ARL6IP6: variants seen among roughly 807,000 people sequenced by gnomAD.
The protein encoded by ARL6IP6 is ADP-ribosylation factor-like protein 6-interacting protein 6.
A neutral mutation model predicts 21.5 loss-of-function variants in ARL6IP6; 22 were observed. The observed-to-expected ratio is 1.02, with a 90% CI of 0.73 to 1.46. ARL6IP6 has a LOEUF of 1.46. Ranked by LOEUF, ARL6IP6 falls within the 40% of genes most tolerant of loss-of-function variation. The pLI is 0.00. For missense variants in ARL6IP6, 388 were observed against 299.8 expected, an observed-to-expected ratio of 1.29 and a Z score of -2.17; for synonymous variants, 164 against 125.3, an observed-to-expected ratio of 1.31 and a Z score of -2.06.
chr2:152,722,398 A>T (rs956438164), intron 2 of ARL6IP6, among the ~76,000 whole-genome samples: 1 of 152,248 alleles, frequency 6.6e-6, no homozygotes, highest in Non-Finnish European at 1.5e-5. Context: ...CAATGGTCAG[A>T]TGAGCTCCAG....
At chr2:152,730,063 C>T (rs959842572) in intron 2 of ARL6IP6, among the ~76,000 whole-genome samples, 1 of 152,140 alleles carries the variant, frequency 6.6e-6, no homozygotes, top group African/African-American at 2.4e-5. Flanking sequence ...CACAATATTG[C>T]AATGTACTTT....
chr2:152,740,324 C>T (rs977894715), intron 3 of ARL6IP6, among the ~76,000 whole-genome samples: 2 of 152,130 alleles, frequency 1.3e-5, no homozygotes, highest in South Asian at 2.1e-4. Context: ...GTCCCAAAAC[C>T]CTGAGTTCAA....
At chr2:152,728,522 A>G (rs371454562) in intron 2 of ARL6IP6, among the ~76,000 whole-genome samples, 16 of 152,316 alleles carry the variant, frequency 1.1e-4, no homozygotes, top group African/African-American at 2.4e-4. Context: ...TTTAGAGCAT[A>G]TAACAGCCTC....
Position 152,735,025 on chromosome 2 carries a change from T to C in ARL6IP6, c.486T>C (p.Thr162=). Residue 162 remains threonine, a synonymous_variant, in exon 3 of 4, where the codon ACT becomes ACC. Transcript: ENST00000326446. ...GGACTCTACTTATAATATCCCTAAC[T>C]GCTGGATTCTCCTGTTGCAGCTTTT... ...GFWTLLIISL[T]AGFSCCSFSW... is the part of the protein sequence containing the mutation. 6.2e-7 allele frequency: 1 copy of C among 1,613,416 alleles called. No individual in the cohort carries two copies. Among genetic ancestry groups the C allele is most frequent in the Non-Finnish European group, 8.5e-7 (1 of 1,179,398 alleles).
Position 152,760,110 on chromosome 2 carries a change from T to C in ARL6IP6, c.*270T>C, listed in dbSNP as rs948374891. ...TTTACCTCATCTTTTTACTTTTGTG[T>C]GTGTAGTTCTTTCAAGTTGTAGGAA... On this transcript the variant is annotated 3_prime_UTR_variant, in exon 4 of 4. Transcript: ENST00000326446. The C allele has an allele frequency of 3.8e-5, 10 of 263,630 alleles. No homozygotes were observed. Among genetic ancestry groups the C allele is most frequent in the African/African-American group, 2.0e-4 (9 of 45,042 alleles). The allele number at this position is 263,630 out of a possible 1,614,324, so 16.3% of individuals were successfully genotyped here.
chr2:152,718,163 G>T (rs1490780192), upstream of ARL6IP6: 2 of 713,558 alleles, frequency 2.8e-6, no homozygotes, highest in Non-Finnish European at 3.4e-6. Flanking sequence ...AAGAGTGTGA[G>T]CGTAGTGGGG....
chr2:152,752,055 C>G (rs773575513), intron 3 of ARL6IP6, among the ~76,000 whole-genome samples: 1 of 152,094 alleles, frequency 6.6e-6, no homozygotes, highest in East Asian at 1.9e-4. Flanking sequence ...ATCTAAATTA[C>G]GTAATAAAGG....
At chr2:152,755,577 C>T (rs1301798320) in intron 3 of ARL6IP6, among the ~76,000 whole-genome samples, 2 of 152,020 alleles carry the variant, frequency 1.3e-5, no homozygotes, top group African/African-American at 4.8e-5. Flanking sequence ...CTCTCTTCCT[C>T]TCTCTCTCTG....
chr2:152,754,132 A>T (rs1701469313), intron 3 of ARL6IP6, among the ~76,000 whole-genome samples: 1 of 152,116 alleles, frequency 6.6e-6, no homozygotes, highest in Non-Finnish European at 1.5e-5. Context: ...AAACTACTGA[A>T]TAACAATATT....
intron 3 of ARL6IP6, among the ~76,000 whole-genome samples, chr2:152,742,637 T>G (rs1315953439): frequency 6.6e-6 from 1 of 151,708 alleles, no homozygotes; most frequent in African/African-American, 2.4e-5. Context: ...GCAGCAGAAC[T>G]TTAAAGTCCT....
chr2:152,742,029 A>T (rs1278441182), intron 3 of ARL6IP6, among the ~76,000 whole-genome samples: 1 of 152,170 alleles, frequency 6.6e-6, no homozygotes, highest in African/African-American at 2.4e-5. Flanking sequence ...ACTATGTTAT[A>T]ATTCATTATC....
chr2:152,753,895 G>T (rs1013234633), intron 3 of ARL6IP6, among the ~76,000 whole-genome samples: 1 of 151,854 alleles, frequency 6.6e-6, no homozygotes, highest in African/African-American at 2.4e-5. Context: ...TAGAGACGGG[G>T]TTTCACCATG....
intron 3 of ARL6IP6, among the ~76,000 whole-genome samples, chr2:152,751,800 A>C (rs113238298): frequency 2.2e-4 from 34 of 152,138 alleles, no homozygotes; most frequent in Non-Finnish European, 4.7e-4. Flanking sequence ...GATTGAGTCC[A>C]TATCTTGACT....
intron 3 of ARL6IP6, among the ~76,000 whole-genome samples, chr2:152,748,546 T>C (rs915061491): frequency 6.6e-6 from 1 of 152,200 alleles, no homozygotes; most frequent in African/African-American, 2.4e-5. Flanking sequence ...GCAGCTCAGA[T>C]GTGTGAAAGG....
intron 3 of ARL6IP6, among the ~76,000 whole-genome samples, chr2:152,740,140 T>C (rs1700741172): frequency 6.6e-6 from 1 of 152,220 alleles, no homozygotes; most frequent in Non-Finnish European, 1.5e-5. Context: ...TTTGGTTCTG[T>C]TATCCAGGCT....
At position 152,729,041 on chromosome 2, in the gene ARL6IP6, G is replaced by A. The variant is rs142871083; in HGVS notation, c.455-5953G>A. The stretch of plus-strand genomic sequence containing the variant: ...CCACTGCACTCAGCCTGGCAACACA[G>A]CAAGATTCCTTCTCAAAAAAAAAAA... On this transcript the variant is annotated intron_variant, in intron 2 of 3. Transcript: ENST00000326446. 4.6e-3 allele frequency among the ~76,000 whole-genome samples: 663 copies of A among 145,400 alleles called. 2 individuals carry two copies. The highest frequency in any genetic ancestry group is 0.016 in the African/African-American group (642 of 38,960).
At chr2:152,742,331 G>T (rs756371674) in intron 3 of ARL6IP6, among the ~76,000 whole-genome samples, 78 of 152,226 alleles carry the variant, frequency 5.1e-4, no homozygotes, top group Non-Finnish European at 9.6e-4. Flanking sequence ...ACTTTGGGAG[G>T]CCAAGGTGGG....
intron 3 of ARL6IP6, among the ~76,000 whole-genome samples, chr2:152,740,060 G>A (rs1700738245): frequency 6.6e-6 from 1 of 152,130 alleles, no homozygotes; most frequent in Non-Finnish European, 1.5e-5. Context: ...ATTTGGGTGG[G>A]GACACAGTCA....
chr2:152,750,250 G>A (rs186402989), intron 3 of ARL6IP6, among the ~76,000 whole-genome samples: 147 of 152,248 alleles, frequency 9.7e-4, no homozygotes, highest in African/African-American at 3.5e-3. Flanking sequence ...GTGCTGGGTG[G>A]ATCACCTGAG....
Sources: gnomAD v4.1 joint callset for allele counts (sites outside exome capture counted in the v4.1 genomes callset) on GRCh38, gnomAD v4.1.1 for gene constraint, MANE v1.5 for transcripts, NCBI Gene and HGNC (gene_info 2026-07-23, HGNC 2026-07-21) for gene names.